Variants in EBF2 observed in about 807,000 individuals in gnomAD.
EBF2 encodes transcription factor COE2.
In EBF2, 21 loss-of-function variants were observed where a neutral mutation model predicts 72.8. That is an observed-to-expected ratio of 0.29 (90% CI 0.20 to 0.42). The LOEUF is 0.42. Ranked by LOEUF, EBF2 falls within the 10% of genes least tolerant of loss-of-function variation. The pLI is 1.00. For missense variants in EBF2, 637 were observed against 731.2 expected, an observed-to-expected ratio of 0.87 and a Z score of 1.49; for synonymous variants, 299 against 274.2, an observed-to-expected ratio of 1.09 and a Z score of -0.89.
At chr8:25,847,765 CTT>C (rs912243517) in intron 15 of EBF2, among the ~76,000 whole-genome samples, 3 of 152,158 alleles carry the variant, frequency 2.0e-5, no homozygotes, top group African/African-American at 7.2e-5. Context: ...GGCTAATACT[CTT>C]TAAGGATTTC....
At chr8:25,856,341 T>C (rs1484765359) in intron 14 of EBF2, among the ~76,000 whole-genome samples, 1 of 152,214 alleles carries the variant, frequency 6.6e-6, no homozygotes, top group African/African-American at 2.4e-5. Context: ...TTTCCTATGG[T>C]TTAGCCTAAT....
intron 6 of EBF2, among the ~76,000 whole-genome samples, chr8:25,940,786 G>A (rs751921364): frequency 2.8e-4 from 43 of 152,038 alleles, no homozygotes; most frequent in Admixed American, 7.9e-4. Flanking sequence ...CCAGGTGAAT[G>A]CAAGAATGAT....
At chr8:25,850,166 G>T (rs1563373450) in intron 15 of EBF2, among the ~76,000 whole-genome samples, 1 of 152,146 alleles carries the variant, frequency 6.6e-6, no homozygotes, top group African/African-American at 2.4e-5. Flanking sequence ...AGGCTGGAGT[G>T]CAATGGCGCG....
intron 7 of EBF2, among the ~76,000 whole-genome samples, chr8:25,890,580 A>G (rs2117293944): frequency 6.6e-6 from 1 of 152,226 alleles, no homozygotes; most frequent in Admixed American, 6.5e-5. Flanking sequence ...ACCTTTTCTA[A>G]TCTCAGTTTT....
At chr8:25,860,906 T>G in intron 13 of EBF2, 143 bp downstream of exon 13, 2 of 861,618 alleles carry the variant, frequency 2.3e-6, no homozygotes, top group Non-Finnish European at 3.7e-6. Context: ...TCTATAATCT[T>G]GAAATAACCC....
At chr8:25,874,197 G>A (rs147591148) in intron 10 of EBF2, among the ~76,000 whole-genome samples, 1 of 152,246 alleles carries the variant, frequency 6.6e-6, no homozygotes, top group African/African-American at 2.4e-5. Flanking sequence ...CGAAGTGGAT[G>A]AGCTATTAAC....
intron 6 of EBF2, among the ~76,000 whole-genome samples, chr8:25,992,374 A>G (rs917492095): frequency 2.7e-5 from 4 of 147,830 alleles, no homozygotes; most frequent in Non-Finnish European, 4.5e-5. Flanking sequence ...GGCAGTGTAT[A>G]GGCCAAGACC....
chr8:25,939,717 CT>C (rs1563407433), intron 6 of EBF2, among the ~76,000 whole-genome samples: 2 of 152,156 alleles, frequency 1.3e-5, no homozygotes, highest in African/African-American at 4.8e-5. Flanking sequence ...AATCACTTAA[CT>C]TTTGTTCTTT....
At chr8:25,848,166 T>G (rs930102868) in intron 15 of EBF2, among the ~76,000 whole-genome samples, 2 of 152,140 alleles carry the variant, frequency 1.3e-5, no homozygotes, top group Admixed American at 6.6e-5. Context: ...GCCTGGCCCC[T>G]TCTTCTTTTA....
At chr8:25,881,288 G>A (rs1396103255) in intron 10 of EBF2, among the ~76,000 whole-genome samples, 1 of 152,166 alleles carries the variant, frequency 6.6e-6, no homozygotes, top group Non-Finnish European at 1.5e-5. Flanking sequence ...TTTGCAGCTT[G>A]AACACAGCCT....
rs539234422 is a variant in EBF2 at position 25,919,632 on chromosome 8, A to T, written c.552-11077T>A. On this transcript the variant is annotated intron_variant, in intron 6 of 15. Coordinates refer to ENST00000520164, the MANE Select transcript of EBF2 (RefSeq NM_022659.4). ...CTCAATACCAGGCAGCCAAAAAAAA[A>T]TTTTTTTTTAAACAAAGCTACAAGA... 1.8e-3 allele frequency among the ~76,000 whole-genome samples: 275 copies of T among 152,222 alleles called. 5 individuals carry two copies. Among genetic ancestry groups the T allele is most frequent in the African/African-American group, 3.0e-3 (125 of 41,512 alleles).
chr8:26,017,388 G>T (rs1480160299), intron 6 of EBF2, among the ~76,000 whole-genome samples: 2 of 152,082 alleles, frequency 1.3e-5, no homozygotes, highest in African/African-American at 4.8e-5. Flanking sequence ...AATCTACCCA[G>T]TTTCCAGAGG....
At chr8:25,849,395 C>A (rs1372629491) in intron 15 of EBF2, among the ~76,000 whole-genome samples, 1 of 152,138 alleles carries the variant, frequency 6.6e-6, no homozygotes, top group African/African-American at 2.4e-5. Context: ...GAATTAAGAA[C>A]CCACACTCTA....
chr8:25,994,896 A>G (rs1325666905), intron 6 of EBF2, among the ~76,000 whole-genome samples: 1 of 152,250 alleles, frequency 6.6e-6, no homozygotes, highest in Non-Finnish European at 1.5e-5. Context: ...CCCATGTAAC[A>G]AATGTGCACA....
intron 10 of EBF2, among the ~76,000 whole-genome samples, chr8:25,869,752 A>C (rs769118324): frequency 2.0e-5 from 3 of 152,194 alleles, no homozygotes; most frequent in Admixed American, 6.5e-5. Context: ...TGGTGGTAAT[A>C]TGCAATAGTG....
At chr8:25,848,035 A>T (rs545755201) in intron 15 of EBF2, among the ~76,000 whole-genome samples, 1 of 152,270 alleles carries the variant, frequency 6.6e-6, no homozygotes, top group Non-Finnish European at 1.5e-5. Flanking sequence ...CTTTTAAAAA[A>T]AAACCTATAA....
intron 6 of EBF2, among the ~76,000 whole-genome samples, chr8:26,004,876 T>G (rs889972335): frequency 6.6e-6 from 1 of 151,842 alleles, no homozygotes; most frequent in Non-Finnish European, 1.5e-5. Flanking sequence ...TAGCTCAAAC[T>G]GAGCCCCACC....
chr8:26,040,669 C>A lies in EBF2; in HGVS notation c.355G>T (p.Val119Phe). The A allele has an allele frequency of 6.4e-7, 1 of 1,555,192 alleles. No individual in the cohort carries two copies. Among genetic ancestry groups the A allele is most frequent in the Non-Finnish European group, 8.7e-7 (1 of 1,148,870 alleles). Reference sequence around the variant, plus strand: ...ACATAGAGGTCCTGTTCCGTGCGGACACCTGCGGGGACCGGAGGGGCACGA... The same window carrying A: ...ACATAGAGGTCCTGTTCCGTGCGGAAACCTGCGGGGACCGGAGGGGCACGA... ...YKLQLLYSNG[V>F]RTEQDLYVRL... Residue 119 changes from valine to phenylalanine, a missense_variant and splice_region_variant, in exon 4 of 16, where the codon GTC (valine) becomes TTC (phenylalanine). Val to Phe is a conservative substitution (Grantham distance 50). This residue lies in a region of EBF2 where 174 missense variants were observed against 161.9 expected (regional missense o/e 1.07). Transcript: ENST00000520164.
chr8:25,852,998 C>G (rs1802014773), intron 14 of EBF2, among the ~76,000 whole-genome samples: 1 of 152,022 alleles, frequency 6.6e-6, no homozygotes, highest in Non-Finnish European at 1.5e-5. Flanking sequence ...AGAAACAGAC[C>G]TGGGTATAGA....
Sources: gnomAD v4.1 joint callset for allele counts (sites outside exome capture counted in the v4.1 genomes callset) on GRCh38, gnomAD v4.1.1 for gene constraint, gnomAD v4.1.1 regional missense constraint, MANE v1.5 for transcripts, NCBI Gene and HGNC (gene_info 2026-07-23, HGNC 2026-07-21) for gene names.